The following PPP2R2B variants were observed in gnomAD, a reference collection of about 807,000 sequenced individuals.
The protein encoded by PPP2R2B is serine/threonine-protein phosphatase 2A 55 kDa regulatory subunit B beta isoform.
In PPP2R2B, 5 loss-of-function variants were observed where a neutral mutation model predicts 46.0. The observed-to-expected ratio is 0.11, with a 90% CI of 0.06 to 0.23. The LOEUF (loss-of-function observed/expected upper bound fraction) is 0.23, where lower values mean the gene tolerates loss of function less well. Among genes scored for constraint, PPP2R2B ranks in the 10% least tolerant of loss-of-function variants. PPP2R2B has a pLI of 1.00. For synonymous variants in PPP2R2B, 215 were observed against 206.7 expected, an observed-to-expected ratio of 1.04 and a Z score of -0.34; for missense variants, 367 against 575.0, an observed-to-expected ratio of 0.64 and a Z score of 3.70.
chr5:146,825,177 A>G (rs1208682882), intron 2 of PPP2R2B, among the ~76,000 whole-genome samples: 1 of 152,226 alleles, frequency 6.6e-6, no homozygotes, highest in Admixed American at 6.5e-5. Flanking sequence ...CGACGTTATC[A>G]CATAGACACG....
intron 6 of PPP2R2B, among the ~76,000 whole-genome samples, chr5:146,647,516 A>G (rs1348903034): frequency 6.6e-6 from 1 of 152,166 alleles, no homozygotes; most frequent in Non-Finnish European, 1.5e-5. Context: ...GACAATGATT[A>G]TTTTACATAT....
At chr5:146,975,017 C>G (rs1434472092) in intron 1 of PPP2R2B, among the ~76,000 whole-genome samples, 2 of 152,106 alleles carry the variant, frequency 1.3e-5, no homozygotes, top group Non-Finnish European at 2.9e-5. Context: ...AGTTTAAAAA[C>G]TTTTGCAATT....
intron 2 of PPP2R2B, among the ~76,000 whole-genome samples, chr5:146,842,516 T>A (rs1231954171): frequency 1.5e-4 from 22 of 148,812 alleles, no homozygotes; most frequent in Non-Finnish European, 2.8e-4. Flanking sequence ...CAGGGTTACA[T>A]GTGCAGGATG....
chr5:146,990,977 C>T (rs1753674659), intron 1 of PPP2R2B, among the ~76,000 whole-genome samples: 1 of 152,002 alleles, frequency 6.6e-6, no homozygotes, highest in African/African-American at 2.4e-5. Context: ...AAATCTTGAA[C>T]ATCGTTAATC....
At chr5:146,817,327 T>G (rs539649849) in intron 2 of PPP2R2B, among the ~76,000 whole-genome samples, 1 of 152,314 alleles carries the variant, frequency 6.6e-6, no homozygotes, top group East Asian at 1.9e-4. Flanking sequence ...CCCACTGACT[T>G]GGACACCTGG....
At chr5:146,986,599 T>TA (rs1467017942) in intron 1 of PPP2R2B, among the ~76,000 whole-genome samples, 1 of 151,184 alleles carries the variant, frequency 6.6e-6, no homozygotes, top group Non-Finnish European at 1.5e-5. Flanking sequence ...AATCCTGGAG[T>TA]AAAAAAATAT....
intron 5 of PPP2R2B, among the ~76,000 whole-genome samples, chr5:146,683,985 T>C (rs1222077472): frequency 6.6e-6 from 1 of 152,152 alleles, no homozygotes; most frequent in Non-Finnish European, 1.5e-5. Context: ...ATGGGGAGGA[T>C]AGAGCGAAGG....
rs556577421 is a variant in PPP2R2B at position 146,591,114 on chromosome 5, A to AC, written c.1053-889dup. Among the ~76,000 whole-genome samples, 202 of 152,052 alleles carry AC rather than the reference A, an allele frequency of 1.3e-3. 2 individuals are homozygous for AC. The highest frequency in any genetic ancestry group is 4.5e-3 in the African/African-American group (187 of 41,490). ...AGAGATTCCTTGGGCCAGGGCAAGT[A>AC]CCCCAAGTGCCATCACACGGTGGTT... is the stretch of plus-strand genomic sequence containing the variant. On this transcript the variant is annotated intron_variant, in intron 9 of 9. Transcript: ENST00000394411.
At chr5:146,873,169 G>T (rs1761710533) in intron 2 of PPP2R2B, among the ~76,000 whole-genome samples, 1 of 152,124 alleles carries the variant, frequency 6.6e-6, no homozygotes, top group Non-Finnish European at 1.5e-5. Flanking sequence ...TCTGGGAGTT[G>T]TCCTTGACAT....
chr5:146,761,611 G>A (rs1754170598), intron 2 of PPP2R2B, among the ~76,000 whole-genome samples: 1 of 151,308 alleles, frequency 6.6e-6, no homozygotes. Flanking sequence ...AAAACTTAAA[G>A]TATAGTAATA....
chr5:147,059,807 AT>A (rs1561605962), upstream of PPP2R2B, among the ~76,000 whole-genome samples: 1 of 152,040 alleles, frequency 6.6e-6, no homozygotes, highest in Non-Finnish European at 1.5e-5. Context: ...AGAAGCAACC[AT>A]TTCTGCCCTG....
At chr5:147,025,265 C>A (rs1368356750) in intron 1 of PPP2R2B, among the ~76,000 whole-genome samples, 1 of 151,890 alleles carries the variant, frequency 6.6e-6, no homozygotes, top group African/African-American at 2.4e-5. Context: ...CTAGAGGAAT[C>A]ACATTTTTAA....
At chr5:146,967,984 T>A (rs913505184) in intron 1 of PPP2R2B, among the ~76,000 whole-genome samples, 3 of 152,176 alleles carry the variant, frequency 2.0e-5, no homozygotes, top group Non-Finnish European at 4.4e-5. Flanking sequence ...ATAAGCCGCA[T>A]GCACCACTAA....
intron 2 of PPP2R2B, among the ~76,000 whole-genome samples, chr5:146,774,634 C>T (rs772880829): frequency 2.6e-4 from 40 of 151,876 alleles, no homozygotes; most frequent in Non-Finnish European, 4.3e-4. Flanking sequence ...CTGGCCAACA[C>T]GGCAAAACCC....
intron 2 of PPP2R2B, among the ~76,000 whole-genome samples, chr5:146,842,196 T>C (rs563740128): frequency 8.3e-4 from 127 of 152,326 alleles, no homozygotes; most frequent in Middle Eastern, 3.4e-3. Context: ...TCTGAAGTGC[T>C]TGATCAGCCA....
At chr5:146,818,339 TAA>T (rs1327445786) in intron 2 of PPP2R2B, among the ~76,000 whole-genome samples, 1 of 145,482 alleles carries the variant, frequency 6.9e-6, no homozygotes. Context: ...TCATCTATGC[TAA>T]AAAAAATTCA....
At chr5:146,845,836 A>G (rs767012293) in intron 2 of PPP2R2B, among the ~76,000 whole-genome samples, 2 of 152,176 alleles carry the variant, frequency 1.3e-5, no homozygotes, top group Non-Finnish European at 2.9e-5. Flanking sequence ...TCCTCCAGCA[A>G]GTGTAAATCT....
intron 5 of PPP2R2B, among the ~76,000 whole-genome samples, chr5:146,652,020 T>A (rs562877098): frequency 4.1e-4 from 63 of 152,282 alleles, no homozygotes; most frequent in African/African-American, 1.5e-3. Flanking sequence ...CACAGGTGAC[T>A]TGAGGTGTGG....
chr5:146,841,645 A>T (rs1582241574), intron 2 of PPP2R2B, among the ~76,000 whole-genome samples: 1 of 152,178 alleles, frequency 6.6e-6, no homozygotes, highest in South Asian at 2.1e-4. Context: ...GACATAGATG[A>T]AGCTGGAAAC....
Sources: gnomAD v4.1 joint callset for allele counts (sites outside exome capture counted in the v4.1 genomes callset) on GRCh38, gnomAD v4.1.1 for gene constraint, MANE v1.5 for transcripts, NCBI Gene and HGNC (gene_info 2026-07-23, HGNC 2026-07-21) for gene names.